The following LARGE1 variants were observed in gnomAD, a reference collection of about 807,000 sequenced individuals.
LARGE1 encodes xylosyl- and glucuronyltransferase LARGE1.
Under a neutral mutation model 87.6 loss-of-function variants are expected in LARGE1, and 43 were observed. That is an observed-to-expected ratio of 0.49 (90% CI 0.38 to 0.63). LARGE1 has a LOEUF of 0.63. Ranked by LOEUF, LARGE1 falls within the 30% of genes least tolerant of loss-of-function variation. The probability of loss-of-function intolerance (pLI) is 0.00; values close to 1 mark genes in which losing one functional copy is unlikely to be tolerated. For missense variants in LARGE1, 802 were observed against 1,000.2 expected (o/e 0.80, Z 2.67); for synonymous variants, 434 against 394.6 (o/e 1.10, Z -1.18).
At chr22:33,566,380 C>A (rs1250977118) in intron 5 of LARGE1, among the ~76,000 whole-genome samples, 1 of 152,310 alleles carries the variant, frequency 6.6e-6, no homozygotes, top group East Asian at 1.9e-4. Flanking sequence ...AAAACAACTA[C>A]GTGTAATCAA....
chr22:33,461,243 G>A (rs189316646), intron 6 of LARGE1, among the ~76,000 whole-genome samples: 6 of 152,278 alleles, frequency 3.9e-5, no homozygotes, highest in Admixed American at 3.9e-4. Context: ...AGCTATGATT[G>A]TGTCACCATG....
At position 33,771,069 on chromosome 22, in the gene LARGE1, T is replaced by C. The variant is rs148548197; in HGVS notation, c.-82-9511A>G. On this transcript the variant is annotated intron_variant, in intron 1 of 14. Transcript: ENST00000397394. Reference sequence around the variant, plus strand: ...CCCCACACAATCTCCCACAATCCCGTTGCCAGCCCTCCAAGGCTACAATTG... The same window carrying C: ...CCCCACACAATCTCCCACAATCCCGCTGCCAGCCCTCCAAGGCTACAATTG... Among the ~76,000 whole-genome samples, 388 of 152,166 alleles carry C rather than the reference T, an allele frequency of 2.5e-3. 1 individual carries two copies. The highest frequency in any genetic ancestry group is 3.4e-3 in the Non-Finnish European group (232 of 68,004).
At chr22:33,915,697 C>T (rs2065766768) in intron 1 of LARGE1, among the ~76,000 whole-genome samples, 1 of 152,180 alleles carries the variant, frequency 6.6e-6, no homozygotes, top group Non-Finnish European at 1.5e-5. Flanking sequence ...CAGATTTTAT[C>T]TCGCAACCAT....
intron 9 of LARGE1, among the ~76,000 whole-genome samples, chr22:33,364,059 AT>A (rs11330217): frequency 0.31 from 43,278 of 140,018 alleles, 11,198 homozygotes; most frequent in African/African-American, 0.65. Context: ...TTTGCTATAT[AT>A]TTTTTTTTTT....
intron 4 of LARGE1, among the ~76,000 whole-genome samples, chr22:33,619,218 C>A (rs2079668007): frequency 6.6e-6 from 1 of 152,148 alleles, no homozygotes; most frequent in African/African-American, 2.4e-5. Context: ...ATGGAGATCA[C>A]AACGTCTACA....
intron 1 of LARGE1, among the ~76,000 whole-genome samples, chr22:33,886,171 A>G (rs1332736876): frequency 2.0e-5 from 3 of 152,208 alleles, no homozygotes; most frequent in Non-Finnish European, 2.9e-5. Context: ...AGCCCACAGC[A>G]ATCCTGCTCC....
the LARGE1 span, among the ~76,000 whole-genome samples, chr22:33,097,956 C>A: frequency 1.3e-5 from 2 of 152,184 alleles, no homozygotes; most frequent in South Asian, 4.1e-4. Flanking sequence ...CTATCTCATA[C>A]ACTTAGCATT....
At chr22:33,087,031 ACTGT>A in the LARGE1 span, among the ~76,000 whole-genome samples, 17 of 152,144 alleles carry the variant, frequency 1.1e-4, no homozygotes, top group South Asian at 3.3e-3. Context: ...ATGTCTCGAT[ACTGT>A]CTATTACATT....
chr22:33,799,349 A>T (rs954106998), intron 1 of LARGE1, among the ~76,000 whole-genome samples: 1 of 152,228 alleles, frequency 6.6e-6, no homozygotes, highest in African/African-American at 2.4e-5. Context: ...CTGAGAAAAC[A>T]AAGCCATAAT....
At chr22:33,309,587 A>G (rs1402418296) in intron 11 of LARGE1, among the ~76,000 whole-genome samples, 2 of 152,192 alleles carry the variant, frequency 1.3e-5, no homozygotes, top group African/African-American at 4.8e-5. Context: ...AATCGACCGA[A>G]GCCTTGATCT....
chr22:33,149,525 G>C, the LARGE1 span, among the ~76,000 whole-genome samples: 68,212 of 151,988 alleles, frequency 0.45, 15,474 homozygotes, highest in South Asian at 0.68. Context: ...ACATTTAGAT[G>C]TGTGTTTGTT....
intron 6 of LARGE1, among the ~76,000 whole-genome samples, chr22:33,471,218 T>C (rs1218889344): frequency 6.6e-6 from 1 of 151,798 alleles, no homozygotes; most frequent in African/African-American, 2.4e-5. Context: ...AGTTGAGATA[T>C]ATTTTTAGCA....
intron 10 of LARGE1, among the ~76,000 whole-genome samples, chr22:33,333,428 G>A (rs2146514738): frequency 6.6e-6 from 1 of 152,252 alleles, no homozygotes; most frequent in East Asian, 1.9e-4. Context: ...CCCTTCAGTG[G>A]CTCCTCACTG....
intron 6 of LARGE1, among the ~76,000 whole-genome samples, chr22:33,453,461 C>T (rs2068017753): frequency 6.6e-6 from 1 of 151,968 alleles, no homozygotes; most frequent in Admixed American, 6.6e-5. Flanking sequence ...TGGACAGCTA[C>T]ATACTTCAGT....
chr22:33,710,818 C>A (rs953347002), intron 2 of LARGE1, among the ~76,000 whole-genome samples: 1 of 152,080 alleles, frequency 6.6e-6, no homozygotes, highest in Admixed American at 6.5e-5. Flanking sequence ...AAACCAGGGG[C>A]ACATTTCAAT....
At chr22:33,263,533 T>G (rs1568995088) in intron 11 of LARGE1, among the ~76,000 whole-genome samples, 1 of 152,234 alleles carries the variant, frequency 6.6e-6, no homozygotes, top group African/African-American at 2.4e-5. Context: ...CTCTCAGTCC[T>G]GCAACCCACA....
chr22:33,502,713 C>A (rs948884104), intron 6 of LARGE1, among the ~76,000 whole-genome samples: 1 of 152,030 alleles, frequency 6.6e-6, no homozygotes, highest in Non-Finnish European at 1.5e-5. Context: ...GGACTACAGG[C>A]GCCTGCCACC....
intron 2 of LARGE1, among the ~76,000 whole-genome samples, chr22:33,754,509 TG>T (rs771816356): frequency 1.3e-5 from 2 of 152,062 alleles, no homozygotes; most frequent in East Asian, 3.9e-4. Flanking sequence ...CTAATTTTTT[TG>T]TATTTTTAGT....
At chr22:33,492,245 A>G (rs1358326063) in intron 6 of LARGE1, among the ~76,000 whole-genome samples, 1 of 152,200 alleles carries the variant, frequency 6.6e-6, no homozygotes, top group Non-Finnish European at 1.5e-5. Flanking sequence ...TATAGCTGAG[A>G]GGCACAAAGA....
Sources: gnomAD v4.1 joint callset for allele counts (sites outside exome capture counted in the v4.1 genomes callset) on GRCh38, gnomAD v4.1.1 for gene constraint, MANE v1.5 for transcripts, NCBI Gene and HGNC (gene_info 2026-07-23, HGNC 2026-07-21) for gene names.